Variants in PCP4L1 observed in about 807,000 individuals in gnomAD.
PCP4L1 encodes the protein Purkinje cell protein 4 like 1, also known as Purkinje cell protein 4-like protein 1.
In PCP4L1, 9 loss-of-function variants were observed where a neutral mutation model predicts 9.6. The ratio of observed to expected loss-of-function variants is 0.94; its 90% confidence interval spans 0.57 to 1.64. PCP4L1 has a LOEUF of 1.64. Among genes scored for constraint, PCP4L1 ranks in the 40% most tolerant of loss-of-function variants. The pLI, the probability that PCP4L1 is intolerant of heterozygous loss-of-function variation, is 0.00. For synonymous variants in PCP4L1, 31 were observed against 28.2 expected (o/e 1.10, Z -0.31); for missense variants, 81 against 80.8 (o/e 1.00, Z -0.01).
At chr1:161,276,969 A>C (rs1054897811) in intron 1 of PCP4L1, among the ~76,000 whole-genome samples, 9 of 152,152 alleles carry the variant, frequency 5.9e-5, no homozygotes, top group African/African-American at 2.2e-4. Flanking sequence ...AGAATAGTTC[A>C]AGCCAGGTGC....
intron 1 of PCP4L1, among the ~76,000 whole-genome samples, chr1:161,268,502 G>T (rs1054888797): frequency 6.8e-6 from 1 of 147,502 alleles, no homozygotes; most frequent in Non-Finnish European, 1.5e-5. Context: ...ACTATTTATT[G>T]TAATATGTGC....
chr1:161,284,374 G>A lies in PCP4L1; in HGVS notation c.100G>A (p.Glu34Lys). The A allele has an allele frequency of 5.6e-6, 9 of 1,613,984 alleles. No individual in the cohort carries two copies. Among genetic ancestry groups the A allele is most frequent in the Non-Finnish European group, 7.6e-6 (9 of 1,179,892 alleles). ...AGNVKKAEEE[E>K]EIDIDLTAPE... Reference sequence around the variant, plus strand: ...CAATGTCAAGAAGGCGGAGGAGGAGGAGGAGATTGACATTGATCTGACAGC... The same window carrying A: ...CAATGTCAAGAAGGCGGAGGAGGAGAAGGAGATTGACATTGATCTGACAGC... Residue 34 changes from glutamate (E) to lysine (K), a missense_variant, in exon 3 of 3, where the codon GAG (glutamate) becomes AAG (lysine). Transcript: ENST00000504449.
Position 161,280,764 on chromosome 1 carries a change from A to G in PCP4L1, c.10-2904A>G, listed in dbSNP as rs146230923. ...TTCACGTGGCTTCCACATTACTGTA[A>G]TCTCTTGGCTTTTCTCCTACCTGGC... On this transcript the variant is annotated intron_variant, in intron 1 of 2. Coordinates refer to ENST00000504449, the MANE Select transcript of PCP4L1 (RefSeq NM_001102566.2). Among the ~76,000 whole-genome samples the G allele has an allele frequency of 9.9e-4, 150 of 151,952 alleles. 1 individual carries two copies. Among genetic ancestry groups the G allele is most frequent in the African/African-American group, 3.4e-3 (140 of 41,450 alleles).
intron 1 of PCP4L1, among the ~76,000 whole-genome samples, chr1:161,269,637 AGTATGT>A (rs1669589326): frequency 2.0e-5 from 3 of 152,238 alleles, no homozygotes; most frequent in Admixed American, 2.0e-4. Context: ...GAAGGAACAT[AGTATGT>A]TCCAGAGATG....
At chr1:161,262,057 T>TTC (rs1669426115) in intron 1 of PCP4L1, among the ~76,000 whole-genome samples, 2 of 152,180 alleles carry the variant, frequency 1.3e-5, no homozygotes, top group Admixed American at 6.5e-5. Context: ...AGATCCAAGT[T>TTC]TCTCTCTCTC....
Position 161,258,791 on chromosome 1 carries a change from TG to T in PCP4L1, c.-181del. ...TCGCAGGGGGTCGCCTGGCCGGAGC[TG>T]GGCTCCGAGAATCCCGGGTGCCAGC... On this transcript the variant is annotated 5_prime_UTR_variant, in exon 1 of 3. Transcript: ENST00000504449. 1 of 957,882 alleles carries T rather than the reference TG, an allele frequency of 1.0e-6. No individual in the cohort carries two copies. The highest frequency in any genetic ancestry group is 1.6e-6 in the Non-Finnish European group (1 of 637,084). The allele number at this position is 957,882 out of a possible 1,614,324, so 59.3% of individuals were successfully genotyped here.
At chr1:161,260,467 ATAC>A (rs1237859354) in intron 1 of PCP4L1, among the ~76,000 whole-genome samples, 3 of 152,202 alleles carry the variant, frequency 2.0e-5, no homozygotes, top group Non-Finnish European at 4.4e-5. Context: ...TCTAGGGTTC[ATAC>A]TACTCCTCCC....
intron 1 of PCP4L1, 56 bp downstream of exon 1, chr1:161,259,039 G>A: frequency 6.6e-7 from 1 of 1,519,904 alleles, no homozygotes. Context: ...AGGGTGCTGC[G>A]GCTCGGGATC....
chr1:161,263,333 G>C lies in PCP4L1; in HGVS notation c.9+4350G>C, dbSNP rs540564845. On this transcript the variant is annotated intron_variant, in intron 1 of 2. Coordinates refer to ENST00000504449, the MANE Select transcript of PCP4L1 (RefSeq NM_001102566.2). ...GCTCGCTGCAACCTCCACCTCCGGGGTTCATGCAATTCTCCTGCCTCAGCC... is the reference window on the plus strand; with the variant it reads ...GCTCGCTGCAACCTCCACCTCCGGGCTTCATGCAATTCTCCTGCCTCAGCC... 2.8e-4 allele frequency among the ~76,000 whole-genome samples: 43 copies of C among 152,272 alleles called. 1 individual carries two copies. The South Asian group carries it at 8.9e-3, about 32-fold the overall frequency.
intron 1 of PCP4L1, among the ~76,000 whole-genome samples, chr1:161,276,908 ATTATT>A (rs1669709887): frequency 6.6e-6 from 1 of 152,124 alleles, no homozygotes; most frequent in South Asian, 2.1e-4. Flanking sequence ...TTTCTAAATT[ATTATT>A]TTCTTTCCCC....
At chr1:161,263,350 G>C (rs552902880) in intron 1 of PCP4L1, among the ~76,000 whole-genome samples, 2 of 152,118 alleles carry the variant, frequency 1.3e-5, no homozygotes, top group South Asian at 4.1e-4. Context: ...CAATTCTCCT[G>C]CCTCAGCCTC....
chr1:161,264,818 G>C (rs928527168), intron 1 of PCP4L1, among the ~76,000 whole-genome samples: 1 of 152,138 alleles, frequency 6.6e-6, no homozygotes, highest in Non-Finnish European at 1.5e-5. Flanking sequence ...GATAGAGTGA[G>C]ACCCTGTCTC....
In PCP4L1 at chr1:161,269,791, G is replaced by A. The variant is rs1383690109; in HGVS notation, c.9+10808G>A. On this transcript the variant is annotated intron_variant, in intron 1 of 2. Coordinates refer to ENST00000504449, the MANE Select transcript of PCP4L1 (RefSeq NM_001102566.2). The stretch of plus-strand genomic sequence containing the variant: ...AGGCAGGAGTACTGCCTGAGTCCAG[G>A]AGTTTGAGACCAGCCTGGGCAACAT... Among the ~76,000 whole-genome samples the A allele has an allele frequency of 2.0e-5, 3 of 152,258 alleles. No homozygotes were observed. In the East Asian group the frequency reaches 5.8e-4, roughly 29 times the overall value.
intron 1 of PCP4L1, among the ~76,000 whole-genome samples, chr1:161,260,762 G>A (rs1049281740): frequency 6.6e-6 from 1 of 152,170 alleles, no homozygotes; most frequent in Non-Finnish European, 1.5e-5. Context: ...TTCATCAGGG[G>A]CTCAGTAGAA....
chr1:161,268,573 G>A (rs1242816764), intron 1 of PCP4L1, among the ~76,000 whole-genome samples: 3 of 36,986 alleles, frequency 8.1e-5, no homozygotes. Flanking sequence ...TTTTTTTTGA[G>A]ATGGAGTCTC....
intron 1 of PCP4L1, 135 bp downstream of exon 1, chr1:161,259,118 T>G (rs1367355835): frequency 7.7e-7 from 1 of 1,296,900 alleles, no homozygotes; most frequent in Non-Finnish European, 1.0e-6. Flanking sequence ...CCCACTGCCC[T>G]CCTAGGAAAG....
intron 1 of PCP4L1, among the ~76,000 whole-genome samples, chr1:161,283,423 G>A (rs1198227426): frequency 3.3e-5 from 5 of 152,088 alleles, no homozygotes; most frequent in Non-Finnish European, 5.9e-5. Context: ...TGGAATGTAA[G>A]CTCCATGAGG....
In PCP4L1 at chr1:161,258,763, G is replaced by T. The variant is rs966982066; in HGVS notation, c.-212G>T. The stretch of plus-strand genomic sequence containing the variant: ...GCGAGCTGAGCGGCTCTGACAGGAC[G>T]GGTCGCAGGGGGTCGCCTGGCCGGA... On this transcript the variant is annotated 5_prime_UTR_variant, in exon 1 of 3. Coordinates refer to ENST00000504449, the MANE Select transcript of PCP4L1 (RefSeq NM_001102566.2). 62 of 710,620 alleles carry T rather than the reference G, an allele frequency of 8.7e-5. No homozygotes were observed. Among genetic ancestry groups the T allele is most frequent in the Non-Finnish European group, 1.4e-4 (58 of 427,090 alleles). 44.0% of individuals were successfully genotyped at this position (710,620 alleles called of 1,614,324 possible).
chr1:161,272,572 A>T (rs1669641210), intron 1 of PCP4L1, among the ~76,000 whole-genome samples: 1 of 151,514 alleles, frequency 6.6e-6, no homozygotes, highest in Admixed American at 6.6e-5. Context: ...AAAAAAAAAA[A>T]AAAAAATTGG....
Sources: gnomAD v4.1 joint callset for allele counts (sites outside exome capture counted in the v4.1 genomes callset) on GRCh38, gnomAD v4.1.1 for gene constraint, MANE v1.5 for transcripts, NCBI Gene and HGNC (gene_info 2026-07-23, HGNC 2026-07-21) for gene names.